The following NRCAM variants were observed in gnomAD, a reference collection of about 807,000 sequenced individuals.
The protein encoded by NRCAM is neuronal cell adhesion molecule.
In NRCAM, 83 loss-of-function variants were observed where a neutral mutation model predicts 156.5. The ratio of observed to expected loss-of-function variants is 0.53; its 90% CI spans 0.44 to 0.64. The LOEUF (loss-of-function observed/expected upper bound fraction) is 0.64. NRCAM is among the 30% of genes least tolerant of loss of function. NRCAM has a pLI of 0.00. For synonymous variants in NRCAM, 538 were observed against 563.9 expected (o/e 0.95, Z 0.65); for missense variants, 1,417 against 1,597.3 (o/e 0.89, Z 1.92).
chr7:108,353,596 C>T (rs2099446625), intron 2 of NRCAM, among the ~76,000 whole-genome samples: 2 of 152,216 alleles, frequency 1.3e-5, no homozygotes, highest in Admixed American at 1.3e-4. Flanking sequence ...GCAGGGATTA[C>T]AGGCATGAAC....
chr7:108,405,321 T>C (rs1277804190), intron 1 of NRCAM, among the ~76,000 whole-genome samples: 1 of 152,230 alleles, frequency 6.6e-6, no homozygotes, highest in Admixed American at 6.5e-5. Context: ...GTGCGGCTTC[T>C]TTGTTCTGAA....
intron 2 of NRCAM, among the ~76,000 whole-genome samples, chr7:108,383,092 C>A (rs930618703): frequency 3.3e-5 from 5 of 151,852 alleles, no homozygotes; most frequent in African/African-American, 7.3e-5. Context: ...CCAATGTAGT[C>A]CCATCTATTC....
At chr7:108,418,120 A>G (rs1328001162) in intron 1 of NRCAM, among the ~76,000 whole-genome samples, 1 of 152,142 alleles carries the variant, frequency 6.6e-6, no homozygotes, top group Middle Eastern at 3.2e-3. Flanking sequence ...CTTCTAGGTG[A>G]CCAGGAGCCG....
chr7:108,228,840 C>A (rs1160472726), intron 8 of NRCAM, among the ~76,000 whole-genome samples: 1 of 152,092 alleles, frequency 6.6e-6, no homozygotes, highest in African/African-American at 2.4e-5. Flanking sequence ...CTTATTTTTG[C>A]AAAATCTGTA....
At chr7:108,370,822 T>C (rs897129425) in intron 2 of NRCAM, among the ~76,000 whole-genome samples, 1 of 152,166 alleles carries the variant, frequency 6.6e-6, no homozygotes, top group Non-Finnish European at 1.5e-5. Context: ...AGGCTTAAAA[T>C]ACAGCATCTT....
intron 3 of NRCAM, among the ~76,000 whole-genome samples, chr7:108,265,770 A>C (rs962858322): frequency 6.6e-6 from 1 of 152,236 alleles, no homozygotes; most frequent in African/African-American, 2.4e-5. Flanking sequence ...AGAATTCACA[A>C]AAAACTGTGC....
At chr7:108,182,310 A>C (rs1000713661) in intron 23 of NRCAM, among the ~76,000 whole-genome samples, 1 of 151,424 alleles carries the variant, frequency 6.6e-6, no homozygotes, top group Non-Finnish European at 1.5e-5. Context: ...TCAGCCCTCT[A>C]CATCTGCAGG....
chr7:108,444,666 T>C (rs1202855880), intron 1 of NRCAM, among the ~76,000 whole-genome samples: 1 of 151,772 alleles, frequency 6.6e-6, no homozygotes, highest in Non-Finnish European at 1.5e-5. Context: ...CCACAGGCCT[T>C]CTTCTACTCT....
chr7:108,266,644 A>AC (rs1347477743), intron 3 of NRCAM, among the ~76,000 whole-genome samples: 1 of 152,208 alleles, frequency 6.6e-6, no homozygotes. Context: ...ACAATCTCTT[A>AC]CCTTCTGAGA....
intron 2 of NRCAM, among the ~76,000 whole-genome samples, chr7:108,360,827 A>G (rs187718409): frequency 6.6e-6 from 1 of 152,354 alleles, no homozygotes; most frequent in African/African-American, 2.4e-5. Flanking sequence ...ACCTCAAGCC[A>G]CATACAAAAA....
chr7:108,366,490 G>C (rs1170152549), intron 2 of NRCAM, among the ~76,000 whole-genome samples: 1 of 152,174 alleles, frequency 6.6e-6, no homozygotes, highest in Admixed American at 6.5e-5. Flanking sequence ...AGAGATGAAA[G>C]ACTAGCTCCA....
At chr7:108,370,328 C>G (rs147351159) in intron 2 of NRCAM, among the ~76,000 whole-genome samples, 19 of 152,200 alleles carry the variant, frequency 1.2e-4, no homozygotes, top group African/African-American at 4.1e-4. Flanking sequence ...GCTTTCTTTG[C>G]GTCTTACTTT....
At chr7:108,295,135 T>C (rs562209510) in intron 3 of NRCAM, among the ~76,000 whole-genome samples, 9 of 152,330 alleles carry the variant, frequency 5.9e-5, no homozygotes, top group Non-Finnish European at 1.2e-4. Context: ...ATTTTTCCCC[T>C]AAAATGGAAG....
rs570075890 is a variant in NRCAM, at chr7:108,182,631, G to A, written c.2530+64C>T. 1.4e-5 allele frequency: 20 copies of A among 1,444,482 alleles called. No individual in the cohort carries two copies. In the South Asian group the frequency reaches 2.2e-4, roughly 16 times the overall value. The allele number at this position is 1,444,482 out of a possible 1,614,324, so 89.5% of individuals were successfully genotyped here. ...CCTTGCAACCTGAGCAAGGAGAAAT[G>A]GCCTTGGCTTGCACCTTGGTAAGTC... On this transcript the variant is annotated intron_variant, in intron 23 of 32. Transcript: ENST00000379028.
rs1319574637 is a variant in NRCAM, at chr7:108,197,974, C to T, written c.1333G>A (p.Ala445Thr). The T allele has an allele frequency of 8.9e-6, 14 of 1,574,612 alleles. No individual in the cohort carries two copies. The East Asian group carries it at 9.3e-5, about 10-fold the overall frequency. The change falls in exon 14 of 33, where the codon GCA (alanine) becomes ACA (threonine). Residue 445 changes from alanine (A) to threonine (T), a missense_variant. Coordinates refer to ENST00000379028, the MANE Select transcript of NRCAM (RefSeq NM_001037132.4). ...SNEYGYLLANAFVNVLAEPPR... is the reference protein window; with the variant it reads ...SNEYGYLLANTFVNVLAEPPR... ...AGCTTACCCAGCACATTTACAAATG[C>T]GTTTGCCAGTAAATATCCATATTCA...
intron 1 of NRCAM, among the ~76,000 whole-genome samples, chr7:108,434,119 C>T (rs914989313): frequency 7.2e-5 from 11 of 152,174 alleles, no homozygotes; most frequent in African/African-American, 2.7e-4. Flanking sequence ...AACTATTGAA[C>T]TCAGGGTCAC....
At chr7:108,341,939 T>C (rs1045949445) in intron 2 of NRCAM, among the ~76,000 whole-genome samples, 31 of 152,146 alleles carry the variant, frequency 2.0e-4, no homozygotes, top group Admixed American at 2.0e-3. Context: ...CCAAATACCA[T>C]AGGAAGCAGA....
intron 22 of NRCAM, among the ~76,000 whole-genome samples, chr7:108,183,676 A>T (rs1244411522): frequency 6.6e-6 from 1 of 152,002 alleles, no homozygotes; most frequent in African/African-American, 2.4e-5. Flanking sequence ...AGCTGGGATT[A>T]CAGGCATGCA....
chr7:108,411,929 C>A (rs1434549332), intron 1 of NRCAM, among the ~76,000 whole-genome samples: 1 of 152,050 alleles, frequency 6.6e-6, no homozygotes, highest in African/African-American at 2.4e-5. Flanking sequence ...TTAAGTTGAT[C>A]CATTTTCTTT....
Sources: gnomAD v4.1 joint callset for allele counts (sites outside exome capture counted in the v4.1 genomes callset) on GRCh38, gnomAD v4.1.1 for gene constraint, MANE v1.5 for transcripts, NCBI Gene and HGNC (gene_info 2026-07-23, HGNC 2026-07-21) for gene names.